The following MYT1L variants were observed in gnomAD, a reference collection of about 807,000 sequenced individuals.
The protein encoded by MYT1L is myelin transcription factor 1-like protein.
In MYT1L, 12 loss-of-function variants were observed where a neutral mutation model predicts 126.7. The ratio of observed to expected loss-of-function variants is 0.09; its 90% CI spans 0.06 to 0.15. The LOEUF (loss-of-function observed/expected upper bound fraction) is 0.15. Among genes scored for constraint, MYT1L ranks in the 10% least tolerant of loss-of-function variants. MYT1L has a pLI of 1.00. For missense variants in MYT1L, 979 were observed against 1,585.2 expected (o/e 0.62, Z 6.49); for synonymous variants, 541 against 604.2 (o/e 0.90, Z 1.53).
chr2:2,121,020 A>C (rs768819006), intron 3 of MYT1L, among the ~76,000 whole-genome samples: 50 of 152,302 alleles, frequency 3.3e-4, no homozygotes, highest in Middle Eastern at 3.4e-3. Context: ...CGGAGGAACC[A>C]GCGCCCACAG....
rs545049163 is a variant in MYT1L at position 1,793,130 on chromosome 2, C to T, written c.3277-666G>A. On this transcript the variant is annotated intron_variant, in intron 23 of 24. Transcript: ENST00000647738. The surrounding 1 kb of genome is among the most constrained non-coding windows in gnomAD (Gnocchi z 4.6). ...AATGCTCATTTCTGTGTGGAGGTGT[C>T]ACTGTGTCTTCAGATGGCACCAGGC... 2.6e-5 allele frequency among the ~76,000 whole-genome samples: 4 copies of T among 152,318 alleles called. No individual in the cohort carries two copies. In the East Asian group the frequency reaches 7.7e-4, roughly 29 times the overall value.
At chr2:1,927,947 T>A (rs893607382) in intron 9 of MYT1L, among the ~76,000 whole-genome samples, 3 of 152,062 alleles carry the variant, frequency 2.0e-5, no homozygotes, top group Admixed American at 6.5e-5. Flanking sequence ...ACATAAACCA[T>A]CTATATATTT....
intron 4 of MYT1L, among the ~76,000 whole-genome samples, chr2:2,014,559 T>C (rs2064177676): frequency 6.6e-6 from 1 of 152,208 alleles, no homozygotes; most frequent in Non-Finnish European, 1.5e-5. Flanking sequence ...AGCACAGGCG[T>C]CTGCTTGCTG....
chr2:2,125,051 C>T (rs1395371491), intron 3 of MYT1L, among the ~76,000 whole-genome samples: 1 of 152,188 alleles, frequency 6.6e-6, no homozygotes, highest in Non-Finnish European at 1.5e-5. Context: ...CAATGTATAA[C>T]CATTAGAGAA....
chr2:1,796,523 G>A (rs1384338304), intron 23 of MYT1L, among the ~76,000 whole-genome samples: 1 of 152,174 alleles, frequency 6.6e-6, no homozygotes, highest in African/African-American at 2.4e-5. Flanking sequence ...AGCTGCACAG[G>A]GCTGTTCACT....
At chr2:2,097,342 G>A (rs969378833) in intron 3 of MYT1L, among the ~76,000 whole-genome samples, 1 of 152,082 alleles carries the variant, frequency 6.6e-6, no homozygotes, top group Non-Finnish European at 1.5e-5. Flanking sequence ...GTCCCACCCT[G>A]GCCCTCAGGT....
rs565809519 is a variant in MYT1L, at chr2:1,855,760, CCA to C, written c.2712-4059_2712-4058del. Among the ~76,000 whole-genome samples, 14 of 151,854 alleles carry C rather than the reference CCA, an allele frequency of 9.2e-5. No homozygotes were observed. The South Asian group carries it at 1.9e-3, about 20-fold the overall frequency. On this transcript the variant is annotated intron_variant, in intron 18 of 24. Coordinates refer to ENST00000647738, the MANE Select transcript of MYT1L (RefSeq NM_001303052.2). The stretch of plus-strand genomic sequence containing the variant: ...GATGATGAACAAATAATCTTGAAAC[CCA>C]CACGAGCTGCCCCACGGATATTTTC...
At chr2:2,305,611 A>C (rs1415736178) in intron 1 of MYT1L, among the ~76,000 whole-genome samples, 4 of 152,190 alleles carry the variant, frequency 2.6e-5, no homozygotes, top group Non-Finnish European at 5.9e-5. Context: ...ACTACCTGAG[A>C]CTGGGAAATT....
intron 3 of MYT1L, among the ~76,000 whole-genome samples, chr2:2,097,972 C>G (rs2077630245): frequency 6.6e-6 from 1 of 152,124 alleles, no homozygotes; most frequent in African/African-American, 2.4e-5. Context: ...AAGTGTGGCA[C>G]CTCCCCGCTT....
chr2:1,920,951 G>A (rs1051020509), intron 10 of MYT1L, among the ~76,000 whole-genome samples: 1 of 152,242 alleles, frequency 6.6e-6, no homozygotes, highest in African/African-American at 2.4e-5. Context: ...CCTGCCGAGA[G>A]TCCCCGAGCC....
At chr2:2,114,550 T>C (rs866751350) in intron 3 of MYT1L, among the ~76,000 whole-genome samples, 1 of 152,234 alleles carries the variant, frequency 6.6e-6, no homozygotes, top group Non-Finnish European at 1.5e-5. Flanking sequence ...TGTAATTAGA[T>C]AGTTATTGAC....
At chr2:1,937,008 C>T (rs1409533558) in intron 9 of MYT1L, among the ~76,000 whole-genome samples, 4 of 152,088 alleles carry the variant, frequency 2.6e-5, no homozygotes, top group Non-Finnish European at 4.4e-5. Flanking sequence ...CCTTGAATTC[C>T]CTTTAAAAAA....
At chr2:1,818,073 C>T (rs993518098) in intron 21 of MYT1L, among the ~76,000 whole-genome samples, 1 of 151,802 alleles carries the variant, frequency 6.6e-6, no homozygotes, top group Non-Finnish European at 1.5e-5. Flanking sequence ...AAACCGAGCT[C>T]CGGGAGGCCC....
At chr2:1,832,002 C>T (rs1477927950) in intron 21 of MYT1L, among the ~76,000 whole-genome samples, 1 of 152,150 alleles carries the variant, frequency 6.6e-6, no homozygotes, top group Non-Finnish European at 1.5e-5. Context: ...CCCACAGAAT[C>T]TCAAGTTCAC....
At chr2:1,805,446 C>A (rs145700384) in intron 22 of MYT1L, among the ~76,000 whole-genome samples, 2 of 152,188 alleles carry the variant, frequency 1.3e-5, no homozygotes, top group African/African-American at 4.8e-5. Context: ...AAAGGCTTTA[C>A]ACTCAGGATA....
chr2:2,133,890 A>T (rs1301445366), intron 3 of MYT1L, among the ~76,000 whole-genome samples: 1 of 152,052 alleles, frequency 6.6e-6, no homozygotes, highest in Admixed American at 6.6e-5. Context: ...GCTTTAAGAG[A>T]AAAAAAAGGA....
At chr2:2,021,950 T>C (rs2065079691) in intron 4 of MYT1L, among the ~76,000 whole-genome samples, 1 of 151,968 alleles carries the variant, frequency 6.6e-6, no homozygotes, top group African/African-American at 2.4e-5. Context: ...GACCAAGACA[T>C]CATGCTTGCA....
intron 3 of MYT1L, among the ~76,000 whole-genome samples, chr2:2,149,690 C>T (rs549794119): frequency 1.7e-4 from 26 of 152,306 alleles, no homozygotes; most frequent in Non-Finnish European, 2.6e-4. Context: ...CTGCTGAGAA[C>T]GCATTGTTAC....
intron 22 of MYT1L, among the ~76,000 whole-genome samples, chr2:1,803,132 T>A (rs534788760): frequency 1.8e-4 from 28 of 152,202 alleles, no homozygotes; most frequent in Admixed American, 5.2e-4. Context: ...GGGCCTTAGA[T>A]GCGGCTTTTA....
Sources: allele counts gnomAD v4.1 joint callset (sites outside exome capture counted in the v4.1 genomes callset), GRCh38; gene constraint gnomAD v4.1.1; non-coding constraint Gnocchi (gnomAD v3.1); transcripts MANE v1.5; gene names NCBI Gene and HGNC (gene_info 2026-07-23, HGNC 2026-07-21).